The following LYST variants were observed in gnomAD, a reference collection of about 807,000 sequenced individuals.
LYST encodes lysosomal trafficking regulator.
A neutral mutation model predicts 413.6 loss-of-function variants in LYST; 192 were observed. That is an observed-to-expected ratio of 0.46 (90% CI 0.41 to 0.52). LYST has a LOEUF of 0.52. Among genes scored for constraint, LYST ranks in the 20% least tolerant of loss-of-function variants. The pLI is 0.00. For synonymous variants in LYST, 1,525 were observed against 1,567.3 expected, an observed-to-expected ratio of 0.97 and a Z score of 0.64; for missense variants, 3,815 against 4,499.9, an observed-to-expected ratio of 0.85 and a Z score of 4.35.
chr1:235,772,517 A>G (rs1487510697), intron 19 of LYST, among the ~76,000 whole-genome samples: 2 of 152,128 alleles, frequency 1.3e-5, no homozygotes, highest in Admixed American at 1.3e-4. Context: ...TACTATTAAG[A>G]TTGCTTAAAA....
intron 50 of LYST, among the ~76,000 whole-genome samples, chr1:235,670,097 T>C (rs1369436225): frequency 6.6e-6 from 1 of 152,156 alleles, no homozygotes; most frequent in African/African-American, 2.4e-5. Flanking sequence ...TTAGCAAACC[T>C]CTATATGCCC....
rs558571403 is a variant in LYST at position 235,781,787 on chromosome 1, T to C, written c.5023+140A>G. Reference sequence around the variant, plus strand: ...CTTATTAAACACAAGTAAAGGAACATAGATGGATATTTTAGCCAGGTTAAT... The same window carrying C: ...CTTATTAAACACAAGTAAAGGAACACAGATGGATATTTTAGCCAGGTTAAT... On this transcript the variant is annotated intron_variant, in intron 15 of 52. Coordinates refer to ENST00000389793, the MANE Select transcript of LYST (RefSeq NM_000081.4). The C allele has an allele frequency of 1.1e-4, 73 of 667,114 alleles. 1 individual carries two copies. In the East Asian group the frequency reaches 2.0e-3, roughly 18 times the overall value. The allele number at this position is 667,114 out of a possible 1,614,324, so 41.3% of individuals were successfully genotyped here.
rs1424656522 is a variant in LYST, at chr1:235,810,509, ATC to A, written c.307_308del (p.Asp103TyrfsTer28). 1 of 1,612,448 alleles carries A rather than the reference ATC, an allele frequency of 6.2e-7. No homozygotes were observed. Among genetic ancestry groups the A allele is most frequent in the African/African-American group, 1.3e-5 (1 of 74,908 alleles). On this transcript the variant is annotated frameshift_variant, in exon 5 of 53. Transcript: ENST00000389793. LOFTEE classifies it high-confidence loss of function. Reference protein sequence around the residue: ...ATDFNLPLSADIILTKEKNSS... With the variant: ...ATDFNLPLSAXIILTKEKNSS... The stretch of plus-strand genomic sequence containing the variant: ...AGTTCTTTTCTTTGGTCAGGATTAT[ATC>A]TGCTGAGAGCGGTAGGTTAAAATCT...
rs10495366 is a variant in LYST, at chr1:235,686,567, C to T, written c.10800+382G>A. Among the ~76,000 whole-genome samples the T allele has an allele frequency of 0.079, 12,086 of 152,164 alleles. 1,564 individuals carry two copies. The highest frequency in any genetic ancestry group is 0.27 in the African/African-American group (11,239 of 41,446). On this transcript the variant is annotated intron_variant, in intron 48 of 52. Transcript: ENST00000389793. The surrounding 1 kb of genome is among the most constrained non-coding windows in gnomAD (Gnocchi z 4.0). ...ACAGACTACTTAGATTTTGCTGTCA[C>T]TTAGTTTACCCAGAGGTTATCGGAA...
intron 3 of LYST, among the ~76,000 whole-genome samples, chr1:235,816,823 G>A (rs566994593): frequency 6.6e-6 from 1 of 152,214 alleles, no homozygotes; most frequent in East Asian, 1.9e-4. Flanking sequence ...CCCTGGCAAA[G>A]GTTTCATGAC....
intron 47 of LYST, among the ~76,000 whole-genome samples, chr1:235,689,691 C>T (rs919007722): frequency 1.3e-5 from 2 of 152,012 alleles, no homozygotes; most frequent in African/African-American, 2.4e-5. Context: ...TGTGAGGTGA[C>T]GAATGTGTTA....
At chr1:235,857,891 TCTC>T (rs1679397114) in intron 1 of LYST, among the ~76,000 whole-genome samples, 1 of 152,090 alleles carries the variant, frequency 6.6e-6, no homozygotes, top group Non-Finnish European at 1.5e-5. Flanking sequence ...AAGTCAGTAT[TCTC>T]CTAGTTTCCC....
At chr1:235,722,540 T>C (rs1310464972) in intron 39 of LYST, among the ~76,000 whole-genome samples, 1 of 152,110 alleles carries the variant, frequency 6.6e-6, no homozygotes, top group Non-Finnish European at 1.5e-5. Flanking sequence ...GGCTGGAGTG[T>C]AATGGCGTGA....
At chr1:235,842,557 A>G (rs1677337596) in intron 1 of LYST, among the ~76,000 whole-genome samples, 1 of 152,216 alleles carries the variant, frequency 6.6e-6, no homozygotes, top group African/African-American at 2.4e-5. Flanking sequence ...CATCTAGAAC[A>G]GAACACAGCT....
In LYST at chr1:235,697,361, AAAGT is replaced by A. The variant is rs72108356; in HGVS notation, c.10375-93_10375-90del. On this transcript the variant is annotated intron_variant, in intron 45 of 52. Coordinates refer to ENST00000389793, the MANE Select transcript of LYST (RefSeq NM_000081.4). Reference sequence around the variant, plus strand: ...ATTTAAGCTCTAAACAAAGTAAGAGAAAGTAATATGGATTATAAGCTCTGTAAGG... The same window carrying A: ...ATTTAAGCTCTAAACAAAGTAAGAGAAATATGGATTATAAGCTCTGTAAGG... The A allele has an allele frequency of 6.0e-3, 5,710 of 945,398 alleles. 205 individuals are homozygous for A. The African/African-American group carries it at 0.081, about 13-fold the overall frequency. 58.6% of individuals were successfully genotyped at this position (945,398 alleles called of 1,614,324 possible).
At chr1:235,866,383 T>C (rs1026633259) in intron 1 of LYST, among the ~76,000 whole-genome samples, 3 of 151,900 alleles carry the variant, frequency 2.0e-5, no homozygotes, top group African/African-American at 7.3e-5. Context: ...GGCTGGGTGG[T>C]GGCGCGGAAA....
chr1:235,751,979 C>A, intron 27 of LYST, 26 bp downstream of exon 27: 1 of 1,558,114 alleles, frequency 6.4e-7, no homozygotes, highest in African/African-American at 1.4e-5. Flanking sequence ...AACTCCCTCC[C>A]CAAATTCATA....
intron 41 of LYST, among the ~76,000 whole-genome samples, chr1:235,715,867 A>T (rs1319745543): frequency 9.4e-6 from 1 of 106,048 alleles, no homozygotes; most frequent in Non-Finnish European, 1.8e-5. Context: ...GTTATCAGAG[A>T]TAAAAAAAAA....
chr1:235,695,538 A>G (rs1402423048), intron 46 of LYST, among the ~76,000 whole-genome samples: 1 of 152,190 alleles, frequency 6.6e-6, no homozygotes, highest in Non-Finnish European at 1.5e-5. Flanking sequence ...TAGGCTTAGA[A>G]TATGTTTGAC....
intron 1 of LYST, among the ~76,000 whole-genome samples, chr1:235,863,623 G>T (rs1680160149): frequency 6.6e-6 from 1 of 152,002 alleles, no homozygotes; most frequent in African/African-American, 2.4e-5. Flanking sequence ...AACACACTAT[G>T]TGAGTGCAAT....
chr1:235,765,270 C>T (rs1668018119), intron 21 of LYST, among the ~76,000 whole-genome samples: 1 of 152,126 alleles, frequency 6.6e-6, no homozygotes, highest in Non-Finnish European at 1.5e-5. Context: ...TCCTAAACTT[C>T]CCACTTCTCA....
chr1:235,816,417 G>A (rs1459264455), intron 3 of LYST, among the ~76,000 whole-genome samples: 6 of 148,078 alleles, frequency 4.1e-5, no homozygotes, highest in Non-Finnish European at 7.4e-5. Context: ...TCCAGCCTGG[G>A]TGACAGAGAA....
In LYST at chr1:235,687,149, GACA is replaced by G. The variant is rs1474101955; in HGVS notation, c.10702-105_10702-103del. The G allele has an allele frequency of 3.3e-5, 28 of 841,586 alleles. No homozygotes were observed. The African/African-American group carries it at 4.2e-4, about 13-fold the overall frequency. The allele number at this position is 841,586 out of a possible 1,614,324, so 52.1% of individuals were successfully genotyped here. A position where few individuals can be genotyped will look rare whatever the true frequency, so the allele number is the denominator to read the frequency against. ...GAATGAAAAATACTTCTACTTTTCT[GACA>G]ACTATTTTTTTTAACTCTCAAAAAT... On this transcript the variant is annotated intron_variant, in intron 47 of 52. Transcript: ENST00000389793.
chr1:235,730,814 T>C lies in LYST; in HGVS notation c.9044+33A>G, dbSNP rs764211462. On this transcript the variant is annotated intron_variant, in intron 36 of 52. Coordinates refer to ENST00000389793, the MANE Select transcript of LYST (RefSeq NM_000081.4). Reference sequence around the variant, plus strand: ...ACTACAATAAGCTGTTGTATATTCATGAAAGAGTGAAGGTCTATTGATTCA... The same window carrying C: ...ACTACAATAAGCTGTTGTATATTCACGAAAGAGTGAAGGTCTATTGATTCA... 1.2e-5 allele frequency: 14 copies of C among 1,216,312 alleles called. No homozygotes were observed. In the African/African-American group the frequency reaches 1.5e-4, roughly 13 times the overall value. 75.3% of individuals were successfully genotyped at this position (1,216,312 alleles called of 1,614,324 possible). A position where few individuals can be genotyped will look rare whatever the true frequency, so the allele number is the denominator to read the frequency against.
Sources: gnomAD v4.1 joint callset for allele counts (sites outside exome capture counted in the v4.1 genomes callset) on GRCh38, gnomAD v4.1.1 for gene constraint, Gnocchi (gnomAD v3.1) non-coding constraint, MANE v1.5 for transcripts, NCBI Gene and HGNC (gene_info 2026-07-23, HGNC 2026-07-21) for gene names.